Variants in FAM81A observed in about 807,000 individuals in gnomAD.
The protein encoded by FAM81A is family with sequence similarity 81 member A, also known as protein FAM81A.
A neutral mutation model predicts 46.7 loss-of-function variants in FAM81A; 19 were observed. The observed-to-expected ratio is 0.41, with a 90% CI of 0.28 to 0.60. FAM81A has a LOEUF of 0.60. Ranked by LOEUF, FAM81A falls within the 20% of genes least tolerant of loss-of-function variation. FAM81A has a pLI of 0.34. For missense variants in FAM81A, 377 were observed against 453.5 expected (o/e 0.83, Z 1.53); for synonymous variants, 183 against 152.9 (o/e 1.20, Z -1.45).
intron 3 of FAM81A, among the ~76,000 whole-genome samples, chr15:59,479,719 A>G (rs1461536844): frequency 6.6e-6 from 1 of 151,872 alleles, no homozygotes; most frequent in African/African-American, 2.4e-5. Context: ...AGAAGCAGAA[A>G]GGGGACCAGT....
intron 3 of FAM81A, among the ~76,000 whole-genome samples, chr15:59,473,246 C>T (rs866535896): frequency 3.9e-5 from 6 of 152,160 alleles, no homozygotes. Flanking sequence ...ATGGAAAAAT[C>T]CATAAATAAG....
Position 59,458,651 on chromosome 15 carries a change from A to G in FAM81A, c.20+5A>G, listed in dbSNP as rs2081512534. On this transcript the variant is annotated splice_donor_5th_base_variant and intron_variant, in intron 2 of 8. Transcript: ENST00000288228. ...TATGGAAAATATGCATCTAAGGTATACTTTTCCTTTCCACTCATCCCATGG... is the reference window on the plus strand; with the variant it reads ...TATGGAAAATATGCATCTAAGGTATGCTTTTCCTTTCCACTCATCCCATGG... 8 of 1,613,306 alleles carry G rather than the reference A, an allele frequency of 5.0e-6. No homozygotes were observed. The East Asian group carries it at 1.8e-4, about 36-fold the overall frequency.
rs558713182 is a variant in FAM81A at position 59,432,103 on chromosome 15, A to G, written c.-77-26447A>G. ...TTTAAGTACAGGCTATGTATTGTCTATTAATTACAATTTTTAAACACTGCA... is the reference window on the plus strand; with the variant it reads ...TTTAAGTACAGGCTATGTATTGTCTGTTAATTACAATTTTTAAACACTGCA... On this transcript the variant is annotated intron_variant, in intron 2 of 4. Coordinates refer to the FAM81A transcript ENST00000558348. 6.6e-5 allele frequency among the ~76,000 whole-genome samples: 10 copies of G among 151,930 alleles called. No individual in the cohort carries two copies. The South Asian group carries it at 2.1e-3, about 32-fold the overall frequency.
chr15:59,513,292 G>C (rs2082232500), intron 6 of FAM81A, among the ~76,000 whole-genome samples: 1 of 152,148 alleles, frequency 6.6e-6, no homozygotes, highest in Non-Finnish European at 1.5e-5. Flanking sequence ...TAGAGAGAAA[G>C]GGAGCCAGGT....
At chr15:59,434,878 A>C (rs1001606980), upstream of FAM81A, among the ~76,000 whole-genome samples, 1 of 152,156 alleles carries the variant, frequency 6.6e-6, no homozygotes, top group Non-Finnish European at 1.5e-5. Flanking sequence ...CTTGACCTCT[A>C]CCTACCTAGA....
intron 8 of FAM81A, among the ~76,000 whole-genome samples, chr15:59,518,034 G>T (rs183194042): frequency 1.1e-4 from 17 of 150,666 alleles, no homozygotes; most frequent in Admixed American, 6.6e-4. Flanking sequence ...GTGCAGTGGC[G>T]TGATCTTGGC....
At chr15:59,512,126 AG>A (rs1427714739) in intron 6 of FAM81A, among the ~76,000 whole-genome samples, 1 of 152,204 alleles carries the variant, frequency 6.6e-6, no homozygotes, top group African/African-American at 2.4e-5. Flanking sequence ...ACATATGTTG[AG>A]TGAAAAATGA....
chr15:59,462,681 C>T (rs2081567175), intron 3 of FAM81A, among the ~76,000 whole-genome samples: 1 of 152,200 alleles, frequency 6.6e-6, no homozygotes, highest in Non-Finnish European at 1.5e-5. Context: ...ACTTTCCCCT[C>T]AGCCCCTGGT....
chr15:59,504,678 A>T (rs1425769298), intron 4 of FAM81A, among the ~76,000 whole-genome samples: 4 of 152,018 alleles, frequency 2.6e-5, no homozygotes, highest in Non-Finnish European at 5.9e-5. Context: ...CTTGTGGGTG[A>T]TATTTTTCTA....
At chr15:59,417,749 AT>A (rs1292500141) in intron 2 of FAM81A, among the ~76,000 whole-genome samples, 3 of 151,418 alleles carry the variant, frequency 2.0e-5, no homozygotes, top group African/African-American at 7.3e-5. Flanking sequence ...AAATAAAAAG[AT>A]TTTTTTTGCT....
chr15:59,455,541 T>C (rs914888884), intron 1 of FAM81A, among the ~76,000 whole-genome samples: 1 of 152,238 alleles, frequency 6.6e-6, no homozygotes, highest in Non-Finnish European at 1.5e-5. Flanking sequence ...ATCTGCAATA[T>C]AGATTCCACG....
At chr15:59,488,675 T>C (rs2081947821) in intron 3 of FAM81A, among the ~76,000 whole-genome samples, 2 of 152,240 alleles carry the variant, frequency 1.3e-5, no homozygotes, top group Admixed American at 6.5e-5. Context: ...TTCCAATTGC[T>C]GTAAATAAAA....
chr15:59,512,449 G>T (rs1430656733), intron 6 of FAM81A, among the ~76,000 whole-genome samples: 1 of 134,982 alleles, frequency 7.4e-6, no homozygotes, highest in African/African-American at 2.8e-5. Context: ...TCCAGCCTGG[G>T]CGACAGAGCG....
upstream of FAM81A, among the ~76,000 whole-genome samples, chr15:59,437,170 C>T (rs1343130232): frequency 6.6e-6 from 1 of 152,026 alleles, no homozygotes; most frequent in African/African-American, 2.4e-5. Context: ...AATAATGCTG[C>T]CGGAGAGAGA....
intron 4 of FAM81A, among the ~76,000 whole-genome samples, chr15:59,496,182 A>AT (rs111800890): frequency 0.073 from 11,036 of 152,088 alleles, 438 homozygotes; most frequent in African/African-American, 0.1. Context: ...TTTTTAGTTA[A>AT]TTTTTTTGTA....
intron 3 of FAM81A, among the ~76,000 whole-genome samples, chr15:59,476,774 A>G (rs2081775877): frequency 6.6e-6 from 1 of 151,980 alleles, no homozygotes; most frequent in African/African-American, 2.4e-5. Context: ...TGGCTGACAG[A>G]GCAAGACTCC....
intron 4 of FAM81A, among the ~76,000 whole-genome samples, chr15:59,495,255 C>A (rs1376294553): frequency 1.3e-5 from 2 of 152,186 alleles, no homozygotes; most frequent in African/African-American, 4.8e-5. Context: ...TGATGGATTT[C>A]CCTCTTCTGA....
chr15:59,409,705 A>G (rs1255025652), intron 2 of FAM81A, among the ~76,000 whole-genome samples: 1 of 152,224 alleles, frequency 6.6e-6, no homozygotes, highest in Non-Finnish European at 1.5e-5. Context: ...CTCATCAATA[A>G]TAATAATAGC....
intron 3 of FAM81A, among the ~76,000 whole-genome samples, chr15:59,461,406 G>C (rs967949645): frequency 1.3e-5 from 2 of 151,998 alleles, no homozygotes; most frequent in East Asian, 1.9e-4. Flanking sequence ...CTGCATCGGC[G>C]TCCCAAGTAG....
Sources: allele counts gnomAD v4.1 joint callset (sites outside exome capture counted in the v4.1 genomes callset), GRCh38; gene constraint gnomAD v4.1.1; transcripts MANE v1.5; gene names NCBI Gene and HGNC (gene_info 2026-07-23, HGNC 2026-07-21).